LRMDA: variants seen among roughly 807,000 people sequenced by gnomAD.
LRMDA encodes leucine-rich melanocyte differentiation-associated protein.
A neutral mutation model predicts 29.8 loss-of-function variants in LRMDA; 18 were observed. That is an observed-to-expected ratio of 0.60 (90% confidence interval 0.42 to 0.90). The LOEUF is 0.90. Among genes scored for constraint, LRMDA ranks in the 40% least tolerant of loss-of-function variants. The pLI is 0.00. For missense variants in LRMDA, 273 were observed against 273.9 expected, an observed-to-expected ratio of 1.00 and a Z score of 0.02; for synonymous variants, 125 against 109.4, an observed-to-expected ratio of 1.14 and a Z score of -0.89.
chr10:75,998,258 AG>A (rs1337180268), intron 2 of LRMDA, among the ~76,000 whole-genome samples: 1 of 152,142 alleles, frequency 6.6e-6, no homozygotes, highest in Admixed American at 6.5e-5. Context: ...TGTTTTGACC[AG>A]ACTTATCCCC....
chr10:76,047,200 G>C lies in LRMDA; in HGVS notation c.295G>C (p.Glu99Gln), dbSNP rs778470822. The C allele has an allele frequency of 1.2e-6, 2 of 1,614,058 alleles. No individual in the cohort carries two copies. The highest frequency in any genetic ancestry group is 1.7e-6 in the Non-Finnish European group (2 of 1,179,952). Residue 99 changes from glutamate to glutamine, a missense_variant, in exon 4 of 7, where the codon GAA becomes CAA. Glu to Gln is a conservative substitution (Grantham distance 29). Coordinates refer to ENST00000611255, the MANE Select transcript of LRMDA (RefSeq NM_001305581.2). ...DLENLLDHLA[E>Q]VTPALEYLSL... The stretch of plus-strand genomic sequence containing the variant: ...GGAGAACCTGCTGGATCACTTGGCA[G>C]AAGTGACACCAGCTCTGGAGTACCT...
intron 2 of LRMDA, among the ~76,000 whole-genome samples, chr10:75,543,815 G>A (rs1260394687): frequency 6.6e-6 from 1 of 151,908 alleles, no homozygotes; most frequent in Non-Finnish European, 1.5e-5. Context: ...CTTTCTTCCT[G>A]GAATGTAATT....
chr10:75,672,775 T>C (rs1398529862), intron 2 of LRMDA, among the ~76,000 whole-genome samples: 1 of 150,450 alleles, frequency 6.6e-6, no homozygotes, highest in Admixed American at 6.6e-5. Flanking sequence ...TTTCATCATG[T>C]TGGCCAGGCT....
chr10:76,024,013 A>G (rs1430560246), intron 2 of LRMDA, among the ~76,000 whole-genome samples: 1 of 152,166 alleles, frequency 6.6e-6, no homozygotes, highest in Non-Finnish European at 1.5e-5. Flanking sequence ...AGAAAGCTAC[A>G]TTTTCCAAGT....
chr10:76,380,513 C>CA (rs1340634073), intron 6 of LRMDA, among the ~76,000 whole-genome samples: 3 of 151,448 alleles, frequency 2.0e-5, no homozygotes, highest in Admixed American at 2.0e-4. Context: ...ACTAAAAATA[C>CA]AAAAAATTAG....
At chr10:76,401,319 T>C (rs1841846081) in intron 6 of LRMDA, among the ~76,000 whole-genome samples, 1 of 152,230 alleles carries the variant, frequency 6.6e-6, no homozygotes, top group African/African-American at 2.4e-5. Flanking sequence ...TTTATTTACT[T>C]GCTTATTCTT....
chr10:76,137,000 T>G (rs952653515), intron 5 of LRMDA, among the ~76,000 whole-genome samples: 3 of 152,168 alleles, frequency 2.0e-5, no homozygotes, highest in South Asian at 4.1e-4. Context: ...CCTGTACAGC[T>G]CATGTTATTT....
chr10:75,696,851 T>G (rs927131254), intron 2 of LRMDA, among the ~76,000 whole-genome samples: 2 of 152,170 alleles, frequency 1.3e-5, no homozygotes, highest in Non-Finnish European at 2.9e-5. Context: ...AACCTGTGAG[T>G]GCTGGCGATG....
At chr10:75,870,656 G>A (rs769327890) in intron 2 of LRMDA, among the ~76,000 whole-genome samples, 1 of 152,104 alleles carries the variant, frequency 6.6e-6, no homozygotes, top group Non-Finnish European at 1.5e-5. Context: ...TTCTACTTCT[G>A]AAATTCTCTG....
chr10:76,456,889 A>G (rs1333160169), intron 6 of LRMDA, among the ~76,000 whole-genome samples: 2 of 152,176 alleles, frequency 1.3e-5, no homozygotes, highest in African/African-American at 4.8e-5. Context: ...CCTGCAACAC[A>G]GAACTTGTTT....
chr10:75,838,978 G>A (rs1324151794), intron 2 of LRMDA, among the ~76,000 whole-genome samples: 4 of 152,208 alleles, frequency 2.6e-5, no homozygotes, highest in Admixed American at 2.6e-4. Flanking sequence ...GGGCAAGCTG[G>A]TGGATGGAGA....
At chr10:75,606,249 G>A (rs953353027) in intron 2 of LRMDA, among the ~76,000 whole-genome samples, 2 of 152,124 alleles carry the variant, frequency 1.3e-5, no homozygotes, top group Non-Finnish European at 2.9e-5. Flanking sequence ...CTTAACATGT[G>A]CTCTTGCATG....
intron 2 of LRMDA, among the ~76,000 whole-genome samples, chr10:76,011,616 A>G (rs1589288027): frequency 6.6e-6 from 1 of 152,194 alleles, no homozygotes; most frequent in Admixed American, 6.5e-5. Flanking sequence ...TTAAGTGCTC[A>G]TGAAAGTAGC....
chr10:75,476,224 A>G (rs1844789848), intron 2 of LRMDA, among the ~76,000 whole-genome samples: 1 of 152,192 alleles, frequency 6.6e-6, no homozygotes. Context: ...TGTAAAGTTA[A>G]TTTTTTAAAA....
intron 5 of LRMDA, among the ~76,000 whole-genome samples, chr10:76,229,214 T>C (rs950006272): frequency 6.6e-6 from 1 of 152,102 alleles, no homozygotes; most frequent in Admixed American, 6.5e-5. Flanking sequence ...GAAATGACAA[T>C]AGACCAATCA....
chr10:76,050,404 A>G (rs1848511446), intron 4 of LRMDA, among the ~76,000 whole-genome samples: 1 of 152,230 alleles, frequency 6.6e-6, no homozygotes, highest in Admixed American at 6.5e-5. Context: ...ATATGTGAGC[A>G]TGAACATACA....
chr10:75,537,530 C>G (rs898227801), intron 2 of LRMDA, among the ~76,000 whole-genome samples: 1 of 152,190 alleles, frequency 6.6e-6, no homozygotes, highest in Non-Finnish European at 1.5e-5. Context: ...CATAATTTAT[C>G]CTTGTTATCC....
chr10:75,895,288 T>G (rs765239207), intron 2 of LRMDA, among the ~76,000 whole-genome samples: 2 of 151,002 alleles, frequency 1.3e-5, no homozygotes, highest in Non-Finnish European at 3.0e-5. Flanking sequence ...TAGAAACAGA[T>G]TAGCTAAAAC....
intron 2 of LRMDA, among the ~76,000 whole-genome samples, chr10:75,746,730 G>T (rs747740908): frequency 8.5e-5 from 13 of 152,118 alleles, no homozygotes; most frequent in Admixed American, 2.6e-4. Context: ...CTATTTTTGG[G>T]GGGGGAGCTT....
Sources: gnomAD v4.1 joint callset for allele counts (sites outside exome capture counted in the v4.1 genomes callset) on GRCh38, gnomAD v4.1.1 for gene constraint, MANE v1.5 for transcripts, NCBI Gene and HGNC (gene_info 2026-07-23, HGNC 2026-07-21) for gene names.